The following PDCD1 variants were observed in gnomAD, a reference collection of about 807,000 sequenced individuals.
PDCD1 encodes the protein programmed cell death protein 1.
Under a neutral mutation model 23.6 loss-of-function variants are expected in PDCD1, and 10 were observed. The observed-to-expected ratio is 0.42, with a 90% CI of 0.26 to 0.72. The LOEUF (loss-of-function observed/expected upper bound fraction) is 0.72, where lower values mean the gene tolerates loss of function less well. Among genes scored for constraint, PDCD1 ranks in the 30% least tolerant of loss-of-function variants. The pLI is 0.24. For missense variants in PDCD1, 313 were observed against 397.8 expected (o/e 0.79, Z 1.81); for synonymous variants, 168 against 169.3 (o/e 0.99, Z 0.06).
Position 241,851,697 on chromosome 2 carries a change from G to A in PDCD1, c.627+252C>T, listed in dbSNP as rs41386349. On this transcript the variant is annotated intron_variant, in intron 4 of 4. Transcript: ENST00000334409. ...CCAGAGACCGCAGGCGGGCACACGC[G>A]TGGGCCAGGCACCCCTGGAGACCGC... Among the ~76,000 whole-genome samples, 15,347 of 149,066 alleles carry A rather than the reference G, an allele frequency of 0.1. 904 individuals carry two copies. Among genetic ancestry groups the A allele is most frequent in the East Asian group, 0.22 (1,110 of 5,092 alleles).
chr2:241,853,741 G>A (rs1478304966), intron 1 of PDCD1, among the ~76,000 whole-genome samples: 5 of 152,268 alleles, frequency 3.3e-5, no homozygotes, highest in African/African-American at 7.2e-5. Flanking sequence ...TCCGCCAGGC[G>A]GAGGCACCAA....
intron 1 of PDCD1, among the ~76,000 whole-genome samples, chr2:241,854,927 T>C (rs1185596461): frequency 6.6e-6 from 1 of 152,236 alleles, no homozygotes; most frequent in Non-Finnish European, 1.5e-5. Flanking sequence ...CACACCGCAA[T>C]GTCCCTGGGA....
intron 2 of PDCD1, 31 bp from the exon 3 acceptor site, chr2:241,852,384 C>T (rs764613070): frequency 3.6e-5 from 52 of 1,458,978 alleles, no homozygotes; most frequent in South Asian, 5.9e-5. Context: ...GGGGTTAGGA[C>T]GGGGTCAGGG....
intron 1 of PDCD1, among the ~76,000 whole-genome samples, chr2:241,855,117 G>C (rs7560086): frequency 5.6e-4 from 84 of 150,430 alleles, no homozygotes; most frequent in Non-Finnish European, 7.4e-4. Context: ...CTCCTGTTCC[G>C]CCCCCCCCAA....
chr2:241,851,921 G>A, intron 4 of PDCD1, 28 bp downstream of exon 4: 2 of 1,610,954 alleles, frequency 1.2e-6, no homozygotes, highest in Non-Finnish European at 1.7e-6. Context: ...AGGCACAGTG[G>A]ATCATGCAGG....
intron 4 of PDCD1, 45 bp from the exon 5 acceptor site, chr2:241,851,342 AG>A: frequency 1.3e-6 from 2 of 1,555,878 alleles, no homozygotes; most frequent in South Asian, 2.4e-5. Flanking sequence ...GGCCCACCGC[AG>A]GAAGGAGGCC....
chr2:241,855,522 C>T (rs961326561), intron 1 of PDCD1, among the ~76,000 whole-genome samples: 6 of 152,194 alleles, frequency 3.9e-5, no homozygotes, highest in Non-Finnish European at 8.8e-5. Flanking sequence ...CACGTAGGAT[C>T]GTGGGTTGAT....
intron 1 of PDCD1, among the ~76,000 whole-genome samples, chr2:241,855,288 T>A (rs1700998275): frequency 6.6e-6 from 1 of 151,806 alleles, no homozygotes; most frequent in East Asian, 1.9e-4. Flanking sequence ...AGAGACTGGC[T>A]CCCACCCAGT....
In PDCD1 at chr2:241,852,702, C is replaced by T. The variant is rs1230474759; in HGVS notation, c.355G>A (p.Gly119Ser). 3.7e-6 allele frequency: 6 copies of T among 1,613,648 alleles called. No homozygotes were observed. The highest frequency in any genetic ancestry group is 2.2e-5 in the East Asian group (1 of 44,878). Residue 119 changes from glycine (G) to serine (S), a missense_variant, in exon 2 of 5, where the codon GGC (glycine) becomes AGC (serine). This residue lies in a region of PDCD1 where 20 missense variants were observed against 53.3 expected (regional missense o/e 0.38). Coordinates refer to ENST00000334409, the MANE Select transcript of PDCD1 (RefSeq NM_005018.3). ...SVVRARRNDS[G>S]TYLCGAISLA... ...GAGATGGCCCCACAGAGGTAGGTGCCGCTGTCATTGCGCCGGGCCCTGACC... is the reference window on the plus strand; with the variant it reads ...GAGATGGCCCCACAGAGGTAGGTGCTGCTGTCATTGCGCCGGGCCCTGACC...
chr2:241,852,450 G>A, intron 2 of PDCD1, 97 bp from the exon 3 acceptor site: 3 of 1,137,284 alleles, frequency 2.6e-6, no homozygotes, highest in Non-Finnish European at 3.7e-6. Context: ...TGCTTCCAGA[G>A]CTAGAGGACA....
chr2:241,852,399 G>C, intron 2 of PDCD1, 46 bp from the exon 3 acceptor site: 1 of 1,320,040 alleles, frequency 7.6e-7, no homozygotes. Context: ...TCAGGGTGGA[G>C]GGTCAGGGTC....
intron 1 of PDCD1, among the ~76,000 whole-genome samples, chr2:241,857,781 C>T (rs1023473467): frequency 1.3e-5 from 2 of 152,206 alleles, no homozygotes; most frequent in African/African-American, 4.8e-5. Context: ...GGGCAGGAGC[C>T]TCGAGGGGGT....
chr2:241,853,211 T>C (rs992175081), intron 1 of PDCD1, among the ~76,000 whole-genome samples: 1 of 152,240 alleles, frequency 6.6e-6, no homozygotes, highest in Admixed American at 6.5e-5. Context: ...TGGCTCTGAC[T>C]TGGGTCTCCC....
rs56029561 is a variant in PDCD1, at chr2:241,850,723, GGCAGCAGCAGCAGCAGCA to G, written c.*317_*334del. 6 of 579,396 alleles carry G rather than the reference GGCAGCAGCAGCAGCAGCA, an allele frequency of 1.0e-5. No individual in the cohort carries two copies. 35.9% of individuals were successfully genotyped at this position (579,396 alleles called of 1,614,324 possible). A position where few individuals can be genotyped will look rare whatever the true frequency, so the allele number is the denominator to read the frequency against. ...ACGGCGCCTTCAGCCCCGGGCCGCAGGCAGCAGCAGCAGCAGCAGCAGCAGCAGCAGAGATTCAGGGAG... is the reference window on the plus strand; with the variant it reads ...ACGGCGCCTTCAGCCCCGGGCCGCAGGCAGCAGCAGCAGAGATTCAGGGAG... On this transcript the variant is annotated 3_prime_UTR_variant, in exon 5 of 5. Coordinates refer to ENST00000334409, the MANE Select transcript of PDCD1 (RefSeq NM_005018.3).
chr2:241,852,851 C>T lies in PDCD1; in HGVS notation c.206G>A (p.Arg69His), dbSNP rs764200391. The T allele has an allele frequency of 6.2e-6, 10 of 1,608,234 alleles. No individual in the cohort carries two copies. Among genetic ancestry groups the T allele is most frequent in the Non-Finnish European group, 7.6e-6 (9 of 1,179,942 alleles). Reference sequence around the variant, plus strand: ...GTCCGTCTGGTTGCTGGGGCTCATGCGGTACCAGTTTAGCACGAAGCTCTC... The same window carrying T: ...GTCCGTCTGGTTGCTGGGGCTCATGTGGTACCAGTTTAGCACGAAGCTCTC... The part of the protein sequence containing the change: ...TSESFVLNWY[R>H]MSPSNQTDKL... The change falls in exon 2 of 5, where the codon CGC becomes CAC. Residue 69 changes from arginine (R) to histidine (H), a missense_variant. Physicochemically the swap from Arg to His is conservative, Grantham distance 29. This residue lies in a region of PDCD1 where 135 missense variants were observed against 166.9 expected (regional missense o/e 0.81). Transcript: ENST00000334409.
At chr2:241,855,116 CG>C in intron 1 of PDCD1, among the ~76,000 whole-genome samples, 1 of 152,038 alleles carries the variant, frequency 6.6e-6, no homozygotes, top group South Asian at 2.1e-4. Flanking sequence ...GCTCCTGTTC[CG>C]CCCCCCCCAA....
intron 4 of PDCD1, 123 bp downstream of exon 4, chr2:241,851,826 G>C: frequency 1.0e-6 from 1 of 1,001,400 alleles, no homozygotes; most frequent in Non-Finnish European, 1.6e-6. Context: ...GGCTGGGGAG[G>C]TGGGGTCCTG....
chr2:241,855,328 A>C (rs976325338), intron 1 of PDCD1, among the ~76,000 whole-genome samples: 4 of 151,884 alleles, frequency 2.6e-5, no homozygotes, highest in African/African-American at 9.7e-5. Context: ...ACCCCCACGC[A>C]GGGCCTGCCT....
Position 241,850,169 on chromosome 2 carries a change from C to T in PDCD1, c.*889G>A, listed in dbSNP as rs10204525. ...CCAAGGAGAGCTCCCAGGGTGGGCACATGGGGGGCCCTAGGTGCCTGCACT... is the reference window on the plus strand; with the variant it reads ...CCAAGGAGAGCTCCCAGGGTGGGCATATGGGGGGCCCTAGGTGCCTGCACT... On this transcript the variant is annotated 3_prime_UTR_variant, in exon 5 of 5. Transcript: ENST00000334409. 50,909 of 232,418 alleles carry T rather than the reference C, an allele frequency of 0.22. 9,473 individuals are homozygous for T. The highest frequency in any genetic ancestry group is 0.74 in the East Asian group (12,099 of 16,446). 14.4% of individuals were successfully genotyped at this position (232,418 alleles called of 1,614,324 possible). A position where few individuals can be genotyped will look rare whatever the true frequency, so the allele number is the denominator to read the frequency against.
Sources: gnomAD v4.1 joint callset for allele counts (sites outside exome capture counted in the v4.1 genomes callset) on GRCh38, gnomAD v4.1.1 for gene constraint, gnomAD v4.1.1 regional missense constraint, MANE v1.5 for transcripts, NCBI Gene and HGNC (gene_info 2026-07-23, HGNC 2026-07-21) for gene names.